Variants in TMEM178B observed in about 807,000 individuals in gnomAD.
TMEM178B encodes the protein transmembrane protein 178B.
A neutral mutation model predicts 31.0 loss-of-function variants in TMEM178B; 5 were observed. The observed-to-expected ratio is 0.16, with a 90% CI of 0.08 to 0.34. The LOEUF (loss-of-function observed/expected upper bound fraction) is 0.34. Among genes scored for constraint, TMEM178B ranks in the 10% least tolerant of loss-of-function variants. The probability of loss-of-function intolerance (pLI) is 1.00; values close to 1 mark genes in which losing one functional copy is unlikely to be tolerated. For missense variants in TMEM178B, 275 were observed against 400.3 expected (o/e 0.69, Z 2.67); for synonymous variants, 164 against 164.0 (o/e 1.00, Z 0.00).
chr7:141,433,433 G>A (rs1238896586), intron 2 of TMEM178B, among the ~76,000 whole-genome samples: 1 of 152,124 alleles, frequency 6.6e-6, no homozygotes, highest in East Asian at 1.9e-4. Context: ...GACTCTTTAG[G>A]ACAGCATCCG....
chr7:141,089,227 G>A (rs950139693), intron 1 of TMEM178B, among the ~76,000 whole-genome samples: 1 of 152,228 alleles, frequency 6.6e-6, no homozygotes, highest in African/African-American at 2.4e-5. Flanking sequence ...TGGTATTTGG[G>A]GATGAGGGGA....
intron 2 of TMEM178B, among the ~76,000 whole-genome samples, chr7:141,218,114 A>G (rs907580225): frequency 6.6e-6 from 1 of 151,912 alleles, no homozygotes; most frequent in African/African-American, 2.4e-5. Flanking sequence ...GAGCTCACTC[A>G]TCGGCCCTGT....
chr7:141,212,212 A>G (rs1253180724), intron 1 of TMEM178B, among the ~76,000 whole-genome samples: 1 of 152,130 alleles, frequency 6.6e-6, no homozygotes, highest in Non-Finnish European at 1.5e-5. Context: ...AGCACAAATG[A>G]TATCATTAAG....
chr7:141,286,120 GAAA>G (rs199706034), intron 2 of TMEM178B, among the ~76,000 whole-genome samples: 1 of 148,972 alleles, frequency 6.7e-6, no homozygotes, highest in Non-Finnish European at 1.5e-5. Flanking sequence ...AAATTAAAAA[GAAA>G]AAAAAAGAAA....
chr7:141,232,133 C>T (rs780031483), intron 2 of TMEM178B, among the ~76,000 whole-genome samples: 90 of 152,318 alleles, frequency 5.9e-4, no homozygotes, highest in Admixed American at 1.9e-3. Context: ...CTGCAAAGGA[C>T]ATGCTCTCTT....
chr7:141,239,153 A>G (rs973940972), intron 2 of TMEM178B, among the ~76,000 whole-genome samples: 2 of 152,154 alleles, frequency 1.3e-5, no homozygotes, highest in African/African-American at 4.8e-5. Context: ...GTGCATGTGC[A>G]TGTGTGGGGA....
intron 1 of TMEM178B, among the ~76,000 whole-genome samples, chr7:141,138,863 A>G (rs904342172): frequency 6.6e-6 from 1 of 152,088 alleles, no homozygotes; most frequent in Admixed American, 6.5e-5. Context: ...ACGTGCCTGT[A>G]ATCCCAGCTA....
intron 2 of TMEM178B, among the ~76,000 whole-genome samples, chr7:141,386,287 G>T (rs1179231266): frequency 1.3e-5 from 2 of 152,204 alleles, no homozygotes; most frequent in African/African-American, 4.8e-5. Flanking sequence ...TATACAAAGG[G>T]TTGTTTGGGG....
At chr7:141,157,416 C>T (rs1230983376) in intron 1 of TMEM178B, among the ~76,000 whole-genome samples, 1 of 150,758 alleles carries the variant, frequency 6.6e-6, no homozygotes, top group African/African-American at 2.5e-5. Context: ...CTTTCCTACT[C>T]CTGCGCGCGT....
intron 2 of TMEM178B, among the ~76,000 whole-genome samples, chr7:141,255,619 A>C (rs1254171998): frequency 6.6e-6 from 1 of 151,042 alleles, no homozygotes; most frequent in African/African-American, 2.4e-5. Flanking sequence ...GTTCAATGAA[A>C]GAGTCACTAC....
At position 141,223,583 on chromosome 7, in the gene TMEM178B, G is replaced by C. The variant is rs192960581; in HGVS notation, c.496+10879G>C. On this transcript the variant is annotated intron_variant, in intron 2 of 3. Coordinates refer to ENST00000565468, the MANE Select transcript of TMEM178B (RefSeq NM_001195278.2). Reference sequence around the variant, plus strand: ...CTTCTGGGTCATTCTGGCTTGCCTAGAGTAGTTGTGCATGGAATTCAGCCT... The same window carrying C: ...CTTCTGGGTCATTCTGGCTTGCCTACAGTAGTTGTGCATGGAATTCAGCCT... Among the ~76,000 whole-genome samples, 46 of 151,124 alleles carry C rather than the reference G, an allele frequency of 3.0e-4. 1 individual carries two copies. Among genetic ancestry groups the C allele is most frequent in the African/African-American group, 9.8e-4 (40 of 40,902 alleles).
intron 1 of TMEM178B, among the ~76,000 whole-genome samples, chr7:141,087,271 T>C (rs1794804426): frequency 6.6e-6 from 1 of 152,162 alleles, no homozygotes. Flanking sequence ...TCCTTGAAAT[T>C]AGCTGTTAGA....
intron 1 of TMEM178B, among the ~76,000 whole-genome samples, chr7:141,119,766 G>A (rs1297949132): frequency 6.6e-6 from 1 of 152,150 alleles, no homozygotes. Context: ...GAGGCCCTTG[G>A]AATGTGAGAG....
At chr7:141,159,598 G>A (rs1349377504) in intron 1 of TMEM178B, among the ~76,000 whole-genome samples, 1 of 152,178 alleles carries the variant, frequency 6.6e-6, no homozygotes, top group Non-Finnish European at 1.5e-5. Flanking sequence ...CATATTCATA[G>A]AGTGGAATAT....
chr7:141,099,342 C>G (rs1354548688), intron 1 of TMEM178B, among the ~76,000 whole-genome samples: 1 of 152,142 alleles, frequency 6.6e-6, no homozygotes, highest in African/African-American at 2.4e-5. Context: ...GAAATTTAAA[C>G]TATTAGGTAA....
At chr7:141,324,423 T>G (rs938141665) in intron 2 of TMEM178B, among the ~76,000 whole-genome samples, 5 of 48,704 alleles carry the variant, frequency 1.0e-4, no homozygotes, top group Non-Finnish European at 1.3e-4. Flanking sequence ...AGGGTTTTTT[T>G]TTTTTTTTTT....
At chr7:141,221,863 G>A (rs10253802) in intron 2 of TMEM178B, among the ~76,000 whole-genome samples, 1 of 152,078 alleles carries the variant, frequency 6.6e-6, no homozygotes, top group Non-Finnish European at 1.5e-5. Flanking sequence ...AGATGGGGTC[G>A]ATTGCCTGGA....
intron 2 of TMEM178B, among the ~76,000 whole-genome samples, chr7:141,322,576 A>T (rs6952204): frequency 6.6e-6 from 1 of 152,136 alleles, no homozygotes; most frequent in African/African-American, 2.4e-5. Flanking sequence ...CAAAGAATAC[A>T]GAGTCATAGG....
the TMEM178B span, among the ~76,000 whole-genome samples, chr7:141,504,729 G>C: frequency 2.6e-5 from 4 of 152,190 alleles, no homozygotes; most frequent in Non-Finnish European, 5.9e-5. Flanking sequence ...GGTACAAGTG[G>C]TTTTGGTTAT....
Sources: gnomAD v4.1 joint callset for allele counts (sites outside exome capture counted in the v4.1 genomes callset) on GRCh38, gnomAD v4.1.1 for gene constraint, MANE v1.5 for transcripts, NCBI Gene and HGNC (gene_info 2026-07-23, HGNC 2026-07-21) for gene names.